The following RXFP1 variants were observed in gnomAD, a reference collection of about 807,000 sequenced individuals.
The protein encoded by RXFP1 is relaxin receptor 1.
RXFP1 carries 73 observed loss-of-function variants against 89.8 expected under a neutral mutation model. That is an observed-to-expected ratio of 0.81 (90% confidence interval 0.67 to 0.99). RXFP1 has a LOEUF of 0.99. RXFP1 is among the 50% of genes least tolerant of loss of function. RXFP1 has a pLI of 0.00. For synonymous variants in RXFP1, 277 were observed against 305.5 expected (o/e 0.91, Z 0.97); for missense variants, 793 against 895.5 (o/e 0.89, Z 1.46).
intron 17 of RXFP1, among the ~76,000 whole-genome samples, chr4:158,650,935 C>T (rs572386361): frequency 1.3e-5 from 2 of 151,948 alleles, no homozygotes; most frequent in East Asian, 3.9e-4. Flanking sequence ...ACAGGGAGAC[C>T]CTGAGACCCC....
At chr4:158,623,542 C>G (rs1233986960) in intron 9 of RXFP1, among the ~76,000 whole-genome samples, 1 of 134,378 alleles carries the variant, frequency 7.4e-6, no homozygotes, top group Non-Finnish European at 1.7e-5. Flanking sequence ...TCCACTACTT[C>G]TCACTCCATA....
intron 3 of RXFP1, among the ~76,000 whole-genome samples, chr4:158,597,291 A>G (rs1760815149): frequency 6.6e-6 from 1 of 152,220 alleles, no homozygotes; most frequent in South Asian, 2.1e-4. Context: ...CAAGGGCAAT[A>G]TAATGGAAAA....
chr4:158,651,423 A>G (rs1384361543), intron 17 of RXFP1, among the ~76,000 whole-genome samples: 1 of 152,224 alleles, frequency 6.6e-6, no homozygotes, highest in Non-Finnish European at 1.5e-5. Context: ...TATGACTTAA[A>G]TACTAAACAA....
At chr4:158,585,038 T>C (rs1041263661) in intron 2 of RXFP1, among the ~76,000 whole-genome samples, 1 of 152,202 alleles carries the variant, frequency 6.6e-6, no homozygotes, top group African/African-American at 2.4e-5. Flanking sequence ...GCCCAAGAAT[T>C]TGCTTTTCTT....
chr4:158,566,993 C>T lies in RXFP1; in HGVS notation c.50-5705C>T, dbSNP rs376714312. Among the ~76,000 whole-genome samples the T allele has an allele frequency of 2.2e-4, 34 of 152,314 alleles. No individual in the cohort carries two copies. The East Asian group carries it at 2.3e-3, about 10-fold the overall frequency. ...GCTGCGTGCAGCGCTTGCAGGCCAGCGCCAGTTCCGGGTGGGCATGGGCTC... is the reference window on the plus strand; with the variant it reads ...GCTGCGTGCAGCGCTTGCAGGCCAGTGCCAGTTCCGGGTGGGCATGGGCTC... On this transcript the variant is annotated intron_variant, in intron 1 of 17. Coordinates refer to ENST00000307765, the MANE Select transcript of RXFP1 (RefSeq NM_021634.4).
chr4:158,541,147 T>C (rs1746508740), intron 1 of RXFP1, among the ~76,000 whole-genome samples: 1 of 152,192 alleles, frequency 6.6e-6, no homozygotes, highest in African/African-American at 2.4e-5. Flanking sequence ...ATCCCCGCTA[T>C]GCATCATGTC....
chr4:158,542,109 A>ATACATATTTT lies in RXFP1; in HGVS notation c.49+20085_49+20086insACATATTTTT. On this transcript the variant is annotated intron_variant, in intron 1 of 17. Transcript: ENST00000307765. ...TATATATATATATATATATATATAT[A>ATACATATTTT]TTTTTTTTTTAGTAGAGACAGGGTT... Among the ~76,000 whole-genome samples the ATACATATTTT allele has an allele frequency of 6.2e-3, 218 of 35,244 alleles. 4 individuals are homozygous for ATACATATTTT. Among genetic ancestry groups the ATACATATTTT allele is most frequent in the African/African-American group, 0.018 (199 of 10,784 alleles). 23.1% of individuals were successfully genotyped at this position (35,244 alleles called of 152,430 possible).
intron 17 of RXFP1, 88 bp from the exon 18 acceptor site, chr4:158,651,669 G>T: frequency 2.0e-6 from 2 of 980,180 alleles, no homozygotes; most frequent in Non-Finnish European, 2.9e-6. Flanking sequence ...ACTCAAAAAG[G>T]GGTTGGGATG....
At chr4:158,543,957 G>A (rs1025330277) in intron 1 of RXFP1, 1 of 985,372 alleles carries the variant, frequency 1.0e-6, no homozygotes, top group Non-Finnish European at 1.2e-6. Flanking sequence ...GATTCTTGGT[G>A]CATATTTTTG....
At chr4:158,628,538 T>G (rs1476207119) in intron 10 of RXFP1, 100 bp from the exon 11 acceptor site, 1 of 499,414 alleles carries the variant, frequency 2.0e-6, no homozygotes, top group African/African-American at 2.0e-5. Flanking sequence ...AAAAATGTAC[T>G]GTATATTCAT....
intron 2 of RXFP1, among the ~76,000 whole-genome samples, chr4:158,574,481 C>G (rs1249926608): frequency 6.6e-6 from 1 of 152,038 alleles, no homozygotes; most frequent in East Asian, 1.9e-4. Flanking sequence ...TTGTAAATGC[C>G]TCTGATAATC....
Position 158,648,673 on chromosome 4 carries a change from T to A in RXFP1, c.1931T>A (p.Ile644Asn). 5.6e-6 allele frequency: 9 copies of A among 1,610,522 alleles called. No individual in the cohort carries two copies. Among genetic ancestry groups the A allele is most frequent in the Non-Finnish European group, 7.6e-6 (9 of 1,178,748 alleles). The part of the protein sequence containing the change: ...VFTDALCWIP[I>N]FVVKFLSLLQ... ...ACTGATGCATTATGCTGGATACCCATTTTTGTAGTGAAATTTCTTTCACTG... is the reference window on the plus strand; with the variant it reads ...ACTGATGCATTATGCTGGATACCCAATTTTGTAGTGAAATTTCTTTCACTG... Residue 644 changes from isoleucine (I) to asparagine (N), a missense_variant, in exon 17 of 18, where the codon ATT becomes AAT. Transcript: ENST00000307765.
At chr4:158,642,719 A>C (rs948564078) in intron 14 of RXFP1, among the ~76,000 whole-genome samples, 28 of 152,074 alleles carry the variant, frequency 1.8e-4, no homozygotes, top group African/African-American at 5.6e-4. Flanking sequence ...TATCTTGGCT[A>C]TTGTGAATAG....
At chr4:158,553,092 G>T (rs1282216872) in intron 1 of RXFP1, among the ~76,000 whole-genome samples, 2 of 152,104 alleles carry the variant, frequency 1.3e-5, no homozygotes, top group African/African-American at 4.8e-5. Context: ...GGGAGGCTGG[G>T]GTGGGAGGAT....
chr4:158,529,199 C>T (rs1012462662), intron 1 of RXFP1, among the ~76,000 whole-genome samples: 4 of 151,636 alleles, frequency 2.6e-5, no homozygotes, highest in African/African-American at 4.8e-5. Flanking sequence ...TGGTCATAAA[C>T]TCTGCTATCA....
chr4:158,553,624 A>G (rs185805880), intron 1 of RXFP1, among the ~76,000 whole-genome samples: 2 of 152,284 alleles, frequency 1.3e-5, no homozygotes, highest in Admixed American at 6.5e-5. Context: ...CTACTTTCAG[A>G]CAAGTTAGGT....
At chr4:158,626,148 A>ATAGATAGATAGATAGT (rs1554019528) in intron 9 of RXFP1, among the ~76,000 whole-genome samples, 4,662 of 149,678 alleles carry the variant, frequency 0.031, 132 homozygotes, top group African/African-American at 0.068. Context: ...AGATAGATAG[A>ATAGATAGATAGATAGT]TAGATAGATA....
At chr4:158,625,095 T>A (rs556657453) in intron 9 of RXFP1, among the ~76,000 whole-genome samples, 5 of 152,184 alleles carry the variant, frequency 3.3e-5, no homozygotes, top group East Asian at 3.9e-4. Context: ...CACCACCTGG[T>A]GGTAGATTCA....
At chr4:158,595,392 C>A (rs766684794) in intron 3 of RXFP1, among the ~76,000 whole-genome samples, 11 of 152,294 alleles carry the variant, frequency 7.2e-5, no homozygotes, top group Admixed American at 2.0e-4. Flanking sequence ...CCTGGCAATG[C>A]CAGCTCCTCC....
Sources: allele counts gnomAD v4.1 joint callset (sites outside exome capture counted in the v4.1 genomes callset), GRCh38; gene constraint gnomAD v4.1.1; transcripts MANE v1.5; gene names NCBI Gene and HGNC (gene_info 2026-07-23, HGNC 2026-07-21).